The following ANKRD12 variants were observed in gnomAD, a reference collection of about 807,000 sequenced individuals.
The protein encoded by ANKRD12 is ankyrin repeat domain 12.
ANKRD12 carries 85 observed loss-of-function variants against 183.4 expected under a neutral mutation model. The observed-to-expected ratio is 0.46, with a 90% CI of 0.39 to 0.56. The LOEUF (loss-of-function observed/expected upper bound fraction) is 0.56, where lower values mean the gene tolerates loss of function less well. ANKRD12 is among the 20% of genes least tolerant of loss of function. ANKRD12 has a pLI of 0.00. For synonymous variants in ANKRD12, 914 were observed against 800.2 expected, an observed-to-expected ratio of 1.14 and a Z score of -2.40; for missense variants, 2,405 against 2,357.1, an observed-to-expected ratio of 1.02 and a Z score of -0.42.
At chr18:9,201,789 G>A (rs896270744) in intron 3 of ANKRD12, among the ~76,000 whole-genome samples, 5 of 149,556 alleles carry the variant, frequency 3.3e-5, no homozygotes. Context: ...TTTCCTCTTA[G>A]CATTATTAGT....
intron 9 of ANKRD12, chr18:9,260,347 C>T (rs1467699621): frequency 6.6e-6 from 1 of 152,154 alleles, no homozygotes; most frequent in African/African-American, 2.4e-5. Flanking sequence ...GAGTTCAAGA[C>T]CAACAGGATG....
chr18:9,220,104 A>T (rs1251154983), intron 7 of ANKRD12, among the ~76,000 whole-genome samples: 1 of 152,214 alleles, frequency 6.6e-6, no homozygotes, highest in African/African-American at 2.4e-5. Flanking sequence ...GTAATCTAGA[A>T]AAGTTTTTTT....
intron 1 of ANKRD12, among the ~76,000 whole-genome samples, chr18:9,144,122 C>T (rs1295939183): frequency 6.6e-6 from 1 of 152,074 alleles, no homozygotes; most frequent in African/African-American, 2.4e-5. Context: ...CACATCATAT[C>T]CTGTGGCCAT....
intron 8 of ANKRD12, chr18:9,235,949 AC>A: frequency 5.2e-6 from 1 of 193,978 alleles, no homozygotes; most frequent in Non-Finnish European, 1.1e-5. Flanking sequence ...ATATTGAGGG[AC>A]TTTTTTTTTT....
At chr18:9,265,778 T>C (rs2039252554) in intron 10 of ANKRD12, among the ~76,000 whole-genome samples, 1 of 152,102 alleles carries the variant, frequency 6.6e-6, no homozygotes, top group African/African-American at 2.4e-5. Flanking sequence ...GGATAATGAC[T>C]TTTACGAGTT....
Position 9,281,175 on chromosome 18 carries a change from A to T in ANKRD12, c.*49A>T. The T allele has an allele frequency of 6.7e-7, 1 of 1,503,252 alleles. No homozygotes were observed. Among genetic ancestry groups the T allele is most frequent in the South Asian group, 1.2e-5 (1 of 80,772 alleles). The allele number at this position is 1,503,252 out of a possible 1,614,324, so 93.1% of individuals were successfully genotyped here. A position where few individuals can be genotyped will look rare whatever the true frequency, so the allele number is the denominator to read the frequency against. ...TGTCCTAAACTGGTGATGCTCAAGC[A>T]TTATACTGTGGAATACTGCCTTTTG... On this transcript the variant is annotated 3_prime_UTR_variant, in exon 13 of 13. Transcript: ENST00000262126.
At chr18:9,271,801 T>C (rs1026668057) in intron 10 of ANKRD12, among the ~76,000 whole-genome samples, 2 of 152,210 alleles carry the variant, frequency 1.3e-5, no homozygotes, top group African/African-American at 4.8e-5. Context: ...TGTAGACATA[T>C]TCATGATTGA....
rs1568207289 is a variant in ANKRD12, at chr18:9,138,528, ACAAAC to A, written c.-52+1564_-52+1568del. Among the ~76,000 whole-genome samples, 5 of 146,780 alleles carry A rather than the reference ACAAAC, an allele frequency of 3.4e-5. No homozygotes were observed. In the South Asian group the frequency reaches 8.4e-4, roughly 25 times the overall value. ...AACTCCGTCGCAAAAACATACCAAA[ACAAAC>A]AAACAAACAAACAAAAAAACATATG... On this transcript the variant is annotated intron_variant, in intron 1 of 12. Transcript: ENST00000262126.
chr18:9,202,547 G>A (rs2035235509), intron 3 of ANKRD12, among the ~76,000 whole-genome samples: 1 of 152,046 alleles, frequency 6.6e-6, no homozygotes, highest in South Asian at 2.1e-4. Context: ...ATTATTTTTG[G>A]TATTTTTCTC....
In ANKRD12 at chr18:9,190,236, A is replaced by G. The variant is rs373625898; in HGVS notation, c.88-5315A>G. Among the ~76,000 whole-genome samples, 119 of 152,328 alleles carry G rather than the reference A, an allele frequency of 7.8e-4. 2 individuals carry two copies. The South Asian group carries it at 0.024, about 30-fold the overall frequency. ...AGAATGAGAATCAAGTGGAGCCTGA[A>G]GATGTGACTGAATTGCTGAAATCTC... On this transcript the variant is annotated intron_variant, in intron 2 of 12. Coordinates refer to ENST00000262126, the MANE Select transcript of ANKRD12 (RefSeq NM_015208.5).
At chr18:9,138,621 C>T (rs552563022) in intron 1 of ANKRD12, among the ~76,000 whole-genome samples, 1 of 152,274 alleles carries the variant, frequency 6.6e-6, no homozygotes, top group East Asian at 1.9e-4. Context: ...TATACAAAGC[C>T]TTTCCTGGAG....
In ANKRD12 at chr18:9,195,718, T is replaced by C. The variant is rs767072042; in HGVS notation, c.235+20T>C. ...ACACAGGTAGAATAATTTGCTGTTC[T>C]CTGGTAAAATCTTGCCCATTCTTTA... On this transcript the variant is annotated intron_variant, in intron 3 of 12. Coordinates refer to ENST00000262126, the MANE Select transcript of ANKRD12 (RefSeq NM_015208.5). 5 of 1,600,340 alleles carry C rather than the reference T, an allele frequency of 3.1e-6. No individual in the cohort carries two copies. Among genetic ancestry groups the C allele is most frequent in the Non-Finnish European group, 4.3e-6 (5 of 1,173,754 alleles).
Position 9,256,050 on chromosome 18 carries a change from A to G in ANKRD12, c.2783A>G (p.Lys928Arg). 6.4e-7 allele frequency: 1 copy of G among 1,562,046 alleles called. No homozygotes were observed. Among genetic ancestry groups the G allele is most frequent in the Non-Finnish European group, 8.6e-7 (1 of 1,160,606 alleles). Residue 928 changes from lysine (K) to arginine (R), a missense_variant, in exon 9 of 13, where the codon AAG becomes AGG. Lys to Arg is a conservative substitution (Grantham distance 26). This residue lies in a region of ANKRD12 where 1,983 missense variants were observed against 1,725.9 expected (regional missense o/e 1.15). Coordinates refer to ENST00000262126, the MANE Select transcript of ANKRD12 (RefSeq NM_015208.5). Reference sequence around the variant, plus strand: ...AGGCATCTAGCAGAAAGCAAAGAAAAGCACTTGATGGAGAAAAAAAATAAA... The same window carrying G: ...AGGCATCTAGCAGAAAGCAAAGAAAGGCACTTGATGGAGAAAAAAAATAAA... ...KERHLAESKE[K>R]HLMEKKNKQS... is the part of the protein sequence containing the mutation.
At chr18:9,138,005 C>T (rs1459819884) in intron 1 of ANKRD12, 1 of 152,210 alleles carries the variant, frequency 6.6e-6, no homozygotes, top group East Asian at 1.9e-4. Context: ...TTGTAATTTC[C>T]ACTGGACACC....
At chr18:9,172,255 G>A (rs1197502964) in intron 1 of ANKRD12, among the ~76,000 whole-genome samples, 4 of 152,086 alleles carry the variant, frequency 2.6e-5, no homozygotes, top group African/African-American at 9.7e-5. Context: ...TCCTGAATTT[G>A]AATGTTGGCC....
chr18:9,259,619 A>ATTTT (rs2038852262), intron 9 of ANKRD12: 1 of 152,242 alleles, frequency 6.6e-6, no homozygotes, highest in African/African-American at 2.4e-5. Context: ...TTGTTCTAAA[A>ATTTT]GAGACTAAAA....
intron 2 of ANKRD12, among the ~76,000 whole-genome samples, chr18:9,186,000 C>CT (rs2034024150): frequency 6.6e-6 from 1 of 152,192 alleles, no homozygotes; most frequent in Non-Finnish European, 1.5e-5. Context: ...ATCTGGGCTG[C>CT]TTGATGCCAC....
At chr18:9,198,452 A>T (rs927142380) in intron 3 of ANKRD12, among the ~76,000 whole-genome samples, 1 of 152,236 alleles carries the variant, frequency 6.6e-6, no homozygotes, top group African/African-American at 2.4e-5. Flanking sequence ...GTGGGTCTAA[A>T]TTATAGAAAT....
At chr18:9,270,812 T>C (rs2039562264) in intron 10 of ANKRD12, among the ~76,000 whole-genome samples, 1 of 152,206 alleles carries the variant, frequency 6.6e-6, no homozygotes, top group African/African-American at 2.4e-5. Context: ...TGTAGAACTT[T>C]AATAAAAAAA....
Sources: allele counts gnomAD v4.1 joint callset (sites outside exome capture counted in the v4.1 genomes callset), GRCh38; gene constraint gnomAD v4.1.1; regional missense constraint gnomAD v4.1.1; transcripts MANE v1.5; gene names NCBI Gene and HGNC (gene_info 2026-07-23, HGNC 2026-07-21).